The following AFG2B variants were observed in gnomAD, a reference collection of about 807,000 sequenced individuals.
AFG2B encodes AAA ATPase AFG2B.
At chr15:45,419,509 G>A in the AFG2B span, among the ~76,000 whole-genome samples, 4 of 151,416 alleles carry the variant, frequency 2.6e-5, no homozygotes, top group South Asian at 2.1e-4. Context: ...CAGGACACAC[G>A]GGTCCTTGTA....
the AFG2B span, among the ~76,000 whole-genome samples, chr15:45,408,830 G>C: frequency 6.6e-6 from 1 of 152,136 alleles, no homozygotes; most frequent in Non-Finnish European, 1.5e-5. Context: ...GGCTCAATGA[G>C]CTGTTGCCTC....
At chr15:45,402,795 G>A in the AFG2B span, 2 of 1,592,446 alleles carry the variant, frequency 1.3e-6, no homozygotes, top group Non-Finnish European at 8.5e-7. Flanking sequence ...GGGCAGGCGC[G>A]CCCGGTGCCC....
chr15:45,421,239 C>T, the AFG2B span: 2 of 1,495,304 alleles, frequency 1.3e-6, no homozygotes, highest in African/African-American at 1.4e-5. Flanking sequence ...GTTCAGTTCA[C>T]ATTAATTGAA....
At chr15:45,418,114 C>T in the AFG2B span, among the ~76,000 whole-genome samples, 2 of 152,094 alleles carry the variant, frequency 1.3e-5, no homozygotes, top group Middle Eastern at 3.4e-3. Context: ...GAGGCCAAGG[C>T]GGGTAGATCA....
At chr15:45,410,509 T>A in the AFG2B span, 30 of 1,608,974 alleles carry the variant, frequency 1.9e-5, no homozygotes, top group Non-Finnish European at 2.5e-5. Context: ...GCCTTGAAGA[T>A]GTAAAACTGA....
the AFG2B span, among the ~76,000 whole-genome samples, chr15:45,410,004 T>C: frequency 6.6e-6 from 1 of 152,340 alleles, no homozygotes; most frequent in East Asian, 1.9e-4. Context: ...ATTATGGAAT[T>C]GTCAAAAAGA....
chr15:45,406,155 T>G, the AFG2B span, among the ~76,000 whole-genome samples: 4 of 152,224 alleles, frequency 2.6e-5, no homozygotes, highest in African/African-American at 9.6e-5. Context: ...CTTCAGGCTT[T>G]CTTCTATGAA....
the AFG2B span, among the ~76,000 whole-genome samples, chr15:45,416,378 G>A: frequency 6.6e-6 from 1 of 152,196 alleles, no homozygotes; most frequent in African/African-American, 2.4e-5. Flanking sequence ...GAATTAAAAT[G>A]GCCTTTGGAA....
the AFG2B span, among the ~76,000 whole-genome samples, chr15:45,419,670 C>T: frequency 2.6e-5 from 4 of 152,072 alleles, no homozygotes; most frequent in South Asian, 8.3e-4. Flanking sequence ...ATAAACACCC[C>T]AGAATCTTCC....
the AFG2B span, chr15:45,406,893 A>C: frequency 2.9e-5 from 17 of 593,028 alleles, no homozygotes; most frequent in Non-Finnish European, 4.7e-5. Context: ...TTCATCTTGT[A>C]GGTTTAGACC....
At chr15:45,420,010 A>C in the AFG2B span, among the ~76,000 whole-genome samples, 12 of 148,950 alleles carry the variant, frequency 8.1e-5, no homozygotes, top group South Asian at 2.1e-4. Context: ...AAAAAAAAAA[A>C]AAAACAAAAA....
the AFG2B span, chr15:45,402,965 C>T: frequency 6.3e-7 from 1 of 1,594,926 alleles, no homozygotes; most frequent in Admixed American, 1.7e-5. Context: ...GGGCTGGTCA[C>T]CCCTCGTACC....
chr15:45,421,225 T>C, the AFG2B span: 1 of 1,567,230 alleles, frequency 6.4e-7, no homozygotes, highest in Non-Finnish European at 8.6e-7. Context: ...CACCTTAAAC[T>C]CTTGTTCAGT....
chr15:45,415,512 A>C, the AFG2B span: 22 of 1,308,960 alleles, frequency 1.7e-5, no homozygotes, highest in Admixed American at 6.9e-5. Context: ...AAAAAAAAAA[A>C]CAGGATTATA....
the AFG2B span, among the ~76,000 whole-genome samples, chr15:45,414,184 C>A: frequency 2.6e-5 from 4 of 152,156 alleles, no homozygotes; most frequent in African/African-American, 9.7e-5. Context: ...GGAATTGACA[C>A]CTGCGCTGAG....
At chr15:45,410,543 A>C in the AFG2B span, 3 of 1,593,454 alleles carry the variant, frequency 1.9e-6, no homozygotes, top group Admixed American at 1.8e-5. Context: ...AAGACAGATA[A>C]TCTACTTAAT....
the AFG2B span, among the ~76,000 whole-genome samples, chr15:45,419,284 GA>G: frequency 1.3e-5 from 2 of 151,952 alleles, no homozygotes; most frequent in African/African-American, 4.8e-5. Flanking sequence ...CCCATCTCTA[GA>G]AAAAATAAAA....
At chr15:45,416,140 T>C in the AFG2B span, among the ~76,000 whole-genome samples, 70 of 152,232 alleles carry the variant, frequency 4.6e-4, 1 homozygote, top group African/African-American at 1.5e-3. Context: ...AAAATGTTTA[T>C]GTAGACTGGG....
At chr15:45,415,520 A>G in the AFG2B span, 9 of 1,221,408 alleles carry the variant, frequency 7.4e-6, no homozygotes, top group African/African-American at 1.2e-4. Context: ...AAACAGGATT[A>G]TAAATAGTAA....
Sources: gnomAD v4.1 joint callset for allele counts (sites outside exome capture counted in the v4.1 genomes callset) on GRCh38, gnomAD v4.1.1 for gene constraint, MANE v1.5 for transcripts, NCBI Gene and HGNC (gene_info 2026-07-23, HGNC 2026-07-21) for gene names.